CCSER1: variants seen among roughly 807,000 people sequenced by gnomAD.
CCSER1 encodes the protein coiled-coil serine rich protein 1.
A neutral mutation model predicts 82.0 loss-of-function variants in CCSER1; 41 were observed. That is an observed-to-expected ratio of 0.50 (90% CI 0.39 to 0.65). The LOEUF (loss-of-function observed/expected upper bound fraction) is 0.65, where lower values mean the gene tolerates loss of function less well. Among genes scored for constraint, CCSER1 ranks in the 30% least tolerant of loss-of-function variants. CCSER1 has a pLI of 0.00. For synonymous variants in CCSER1, 414 were observed against 383.9 expected (o/e 1.08, Z -0.92); for missense variants, 1,119 against 1,064.2 (o/e 1.05, Z -0.72).
intron 1 of CCSER1, among the ~76,000 whole-genome samples, chr4:90,281,093 G>A (rs976839499): frequency 6.6e-6 from 1 of 151,990 alleles, no homozygotes; most frequent in Middle Eastern, 3.2e-3. Flanking sequence ...TTGTAGTGTG[G>A]ATGTTAAGAA....
chr4:90,487,993 C>T (rs1419288937), intron 5 of CCSER1, among the ~76,000 whole-genome samples: 1 of 152,082 alleles, frequency 6.6e-6, no homozygotes, highest in Non-Finnish European at 1.5e-5. Context: ...AGTAGATTGT[C>T]TTCTTATAAG....
chr4:91,578,882 T>C (rs1763589024), intron 10 of CCSER1, among the ~76,000 whole-genome samples: 3 of 151,918 alleles, frequency 2.0e-5, no homozygotes, highest in Non-Finnish European at 2.9e-5. Flanking sequence ...CTAGTGGTGA[T>C]AGAATATACA....
At chr4:90,281,532 A>G (rs1728853512) in intron 1 of CCSER1, among the ~76,000 whole-genome samples, 1 of 151,988 alleles carries the variant, frequency 6.6e-6, no homozygotes, top group African/African-American at 2.4e-5. Flanking sequence ...ATATTCTGTA[A>G]AGAGTGTGGA....
rs147016680 is a variant in CCSER1 at position 90,944,759 on chromosome 4, A to AC, written c.2172+21312_2172+21313insC. 2.7e-3 allele frequency among the ~76,000 whole-genome samples: 415 copies of AC among 152,302 alleles called. 1 individual carries two copies. The highest frequency in any genetic ancestry group is 4.1e-3 in the Non-Finnish European group (277 of 68,016). On this transcript the variant is annotated intron_variant, in intron 9 of 10. Transcript: ENST00000509176. ...AAGGACCCTCCTTCTACCAAATACT[A>AC]TTAGTCTATTGACCTGCAGGACTAA...
intron 5 of CCSER1, among the ~76,000 whole-genome samples, chr4:90,574,251 ATTTTTTTTTTTTTT>A (rs777629017): frequency 2.3e-5 from 2 of 86,048 alleles, no homozygotes; most frequent in African/African-American, 6.1e-5. Context: ...AAACACATTA[ATTTTTTTTTTTTTT>A]TTTTTTTTTT....
intron 9 of CCSER1, among the ~76,000 whole-genome samples, chr4:91,017,502 G>A (rs942213745): frequency 1.5e-4 from 23 of 152,098 alleles, no homozygotes; most frequent in Non-Finnish European, 2.4e-4. Flanking sequence ...AGAGTATTTT[G>A]TCACCTAGGT....
chr4:90,863,573 C>T (rs1765362466), intron 8 of CCSER1, among the ~76,000 whole-genome samples: 1 of 151,558 alleles, frequency 6.6e-6, no homozygotes. Context: ...AAACAAAGCT[C>T]TTTATTTAGC....
At chr4:90,834,892 C>G (rs558826295) in intron 8 of CCSER1, among the ~76,000 whole-genome samples, 1 of 152,166 alleles carries the variant, frequency 6.6e-6, no homozygotes, top group East Asian at 1.9e-4. Context: ...TTACCTGAAG[C>G]CACTCAAGTT....
At chr4:90,205,091 G>A (rs1186543725) in intron 1 of CCSER1, among the ~76,000 whole-genome samples, 1 of 152,066 alleles carries the variant, frequency 6.6e-6, no homozygotes, top group Non-Finnish European at 1.5e-5. Context: ...GGAAATTTTG[G>A]GCTGAGATGA....
intron 1 of CCSER1, among the ~76,000 whole-genome samples, chr4:90,217,194 G>C (rs371354224): frequency 6.6e-6 from 1 of 151,830 alleles, no homozygotes; most frequent in African/African-American, 2.4e-5. Context: ...GTCTTTAGAC[G>C]TTTTTTTGTT....
intron 8 of CCSER1, among the ~76,000 whole-genome samples, chr4:90,891,497 A>G (rs1722966725): frequency 1.3e-5 from 2 of 151,918 alleles, no homozygotes; most frequent in Non-Finnish European, 2.9e-5. Context: ...AGTACATATT[A>G]TTTTACAATA....
chr4:91,262,991 G>T (rs1741309965), intron 10 of CCSER1, among the ~76,000 whole-genome samples: 1 of 151,872 alleles, frequency 6.6e-6, no homozygotes, highest in African/African-American at 2.4e-5. Context: ...TAACCATTCT[G>T]GGCCTTAATA....
At chr4:91,312,766 G>C (rs1745574319) in intron 10 of CCSER1, among the ~76,000 whole-genome samples, 1 of 151,864 alleles carries the variant, frequency 6.6e-6, no homozygotes, top group Non-Finnish European at 1.5e-5. Context: ...GATGGATGCT[G>C]TAAATTGCCT....
intron 6 of CCSER1, among the ~76,000 whole-genome samples, chr4:90,637,474 C>A (rs532800159): frequency 6.6e-6 from 1 of 152,138 alleles, no homozygotes; most frequent in South Asian, 2.1e-4. Context: ...AGTATGAATA[C>A]CAGGAGGTAG....
At chr4:90,474,160 A>C (rs886126922) in intron 5 of CCSER1, among the ~76,000 whole-genome samples, 1 of 150,470 alleles carries the variant, frequency 6.6e-6, no homozygotes, top group Non-Finnish European at 1.5e-5. Context: ...AAAAAATGCA[A>C]AAGTGTAGCT....
chr4:91,427,756 C>A (rs187065174), intron 10 of CCSER1, among the ~76,000 whole-genome samples: 138 of 152,070 alleles, frequency 9.1e-4, no homozygotes, highest in Middle Eastern at 6.8e-3. Context: ...AAATTTGACC[C>A]AATTGCAAAT....
chr4:90,814,982 C>T (rs987446347), intron 7 of CCSER1, among the ~76,000 whole-genome samples: 9 of 152,166 alleles, frequency 5.9e-5, no homozygotes, highest in African/African-American at 2.2e-4. Context: ...GTGCCCCACT[C>T]CAATCACCAA....
At chr4:90,462,928 C>G (rs1258458192) in intron 4 of CCSER1, among the ~76,000 whole-genome samples, 1 of 152,028 alleles carries the variant, frequency 6.6e-6, no homozygotes, top group African/African-American at 2.4e-5. Context: ...TCCAGTGGAA[C>G]AATAGAACAA....
intron 5 of CCSER1, among the ~76,000 whole-genome samples, chr4:90,546,662 A>G: frequency 6.6e-6 from 1 of 152,136 alleles, no homozygotes; most frequent in African/African-American, 2.4e-5. Flanking sequence ...GACTTTTAAT[A>G]AAAAAAATTT....
Sources: allele counts gnomAD v4.1 joint callset (sites outside exome capture counted in the v4.1 genomes callset), GRCh38; gene constraint gnomAD v4.1.1; transcripts MANE v1.5; gene names NCBI Gene and HGNC (gene_info 2026-07-23, HGNC 2026-07-21).